ADAMTS13: variants seen among roughly 807,000 people sequenced by gnomAD.
ADAMTS13 encodes the protein ADAM metallopeptidase with thrombospondin type 1 motif 13.
Under a neutral mutation model 155.1 loss-of-function variants are expected in ADAMTS13, and 110 were observed. That is an observed-to-expected ratio of 0.71 (90% CI 0.61 to 0.83). ADAMTS13 has a LOEUF of 0.83. Among genes scored for constraint, ADAMTS13 ranks in the 40% least tolerant of loss-of-function variants. The probability of loss-of-function intolerance (pLI) is 0.00; values close to 1 mark genes in which losing one functional copy is unlikely to be tolerated. For missense variants in ADAMTS13, 1,707 were observed against 1,891.7 expected (o/e 0.90, Z 1.81); for synonymous variants, 758 against 756.4 (o/e 1.00, Z -0.03).
chr9:133,451,368 C>T (rs1171210348), intron 23 of ADAMTS13, among the ~76,000 whole-genome samples: 1 of 152,184 alleles, frequency 6.6e-6, no homozygotes, highest in Non-Finnish European at 1.5e-5. Flanking sequence ...AGCCATTCTC[C>T]TGTCTCAGCC....
intron 21 of ADAMTS13, among the ~76,000 whole-genome samples, chr9:133,448,021 C>T (rs1245269457): frequency 6.8e-6 from 1 of 146,682 alleles, no homozygotes; most frequent in Admixed American, 6.8e-5. Context: ...GATGGAGTCT[C>T]GCTCTGTCAC....
chr9:133,424,235 C>T lies in ADAMTS13; in HGVS notation c.173-86C>T. On this transcript the variant is annotated intron_variant, in intron 2 of 28. Transcript: ENST00000355699. This position sits in a 1 kb window ranked among gnomAD's most constrained non-coding sequence, Gnocchi z 4.3. ...GTCTTGACTTCGGAAGGCCATCCTT[C>T]CAAGACCTGCCAGCCCCTTTCCTGT... is the stretch of plus-strand genomic sequence containing the variant. The T allele has an allele frequency of 6.3e-7, 1 of 1,593,758 alleles. No individual in the cohort carries two copies. Among genetic ancestry groups the T allele is most frequent in the South Asian group, 1.1e-5 (1 of 90,782 alleles).
In ADAMTS13 at chr9:133,435,311, G is replaced by A. The variant is rs932693822; in HGVS notation, c.1309-1518G>A. Among the ~76,000 whole-genome samples, 14 of 150,092 alleles carry A rather than the reference G, an allele frequency of 9.3e-5. No individual in the cohort carries two copies. The South Asian group carries it at 1.9e-3, about 20-fold the overall frequency. On this transcript the variant is annotated intron_variant, in intron 11 of 28. Transcript: ENST00000355699. ...AAGCGATTCCCCTGCCTCACCTTCC[G>A]GAGTAGCTGGGATTACAGGCACGCG...
chr9:133,443,982 CAG>C (rs1371501313), intron 19 of ADAMTS13, among the ~76,000 whole-genome samples: 1 of 152,134 alleles, frequency 6.6e-6, no homozygotes, highest in African/African-American at 2.4e-5. Context: ...AGCTGAGTGA[CAG>C]GGCAAGTCCC....
chr9:133,417,864 T>C, upstream of ADAMTS13: 1 of 1,593,284 alleles, frequency 6.3e-7, no homozygotes, highest in Non-Finnish European at 8.5e-7. Flanking sequence ...GTCCAGCGCC[T>C]GGGCCGGCGG....
In ADAMTS13 at chr9:133,446,681, G is replaced by C. The variant is rs142207134; in HGVS notation, c.2731+862G>C. 5.6e-3 allele frequency among the ~76,000 whole-genome samples: 852 copies of C among 152,164 alleles called. 7 individuals carry two copies. Among genetic ancestry groups the C allele is most frequent in the Middle Eastern group, 0.034 (10 of 294 alleles). ...TGAGTTCCTGCTTTCAGTTCTTTTGGGTGTATATCTAGAAGTGTGGTAGCT... is the reference window on the plus strand; with the variant it reads ...TGAGTTCCTGCTTTCAGTTCTTTTGCGTGTATATCTAGAAGTGTGGTAGCT... On this transcript the variant is annotated intron_variant, in intron 21 of 28. Coordinates refer to ENST00000355699, the MANE Select transcript of ADAMTS13 (RefSeq NM_139027.6).
At chr9:133,431,000 C>G (rs1840724941) in intron 8 of ADAMTS13, among the ~76,000 whole-genome samples, 2 of 152,136 alleles carry the variant, frequency 1.3e-5, no homozygotes, top group South Asian at 2.1e-4. Flanking sequence ...GGGCCTCGTT[C>G]TGTTGCCCAG....
At position 133,448,707 on chromosome 9, in the gene ADAMTS13, A is replaced by G; in HGVS notation, c.2840A>G (p.Gln947Arg). 6.2e-7 allele frequency: 1 copy of G among 1,602,914 alleles called. No individual in the cohort carries two copies. Among genetic ancestry groups the G allele is most frequent in the Non-Finnish European group, 8.5e-7 (1 of 1,179,900 alleles). The change falls in exon 22 of 29, where the codon CAG (glutamine) becomes CGG (arginine). Residue 947 changes from glutamine (Q) to arginine (R), a missense_variant. Transcript: ENST00000355699. ...SKPGSRREVCQAVPCPARWQY... is the reference protein window; with the variant it reads ...SKPGSRREVCRAVPCPARWQY... ...CCTGGGAGCCGGCGGGAGGTCTGCC[A>G]GGCTGTCCCGTGCCCTGCTCGGTGA...
chr9:133,450,281 C>T (rs587711973), intron 23 of ADAMTS13, among the ~76,000 whole-genome samples: 2 of 151,550 alleles, frequency 1.3e-5, no homozygotes, highest in Admixed American at 6.6e-5. Flanking sequence ...AAAAATACAA[C>T]AATTAGGCTG....
At chr9:133,434,062 C>T (rs1267687871) in intron 11 of ADAMTS13, among the ~76,000 whole-genome samples, 1 of 151,604 alleles carries the variant, frequency 6.6e-6, no homozygotes, top group Non-Finnish European at 1.5e-5. Context: ...GGCCATTGCA[C>T]TCCAGCCTGG....
intron 21 of ADAMTS13, among the ~76,000 whole-genome samples, chr9:133,446,251 AC>A (rs1476889772): frequency 6.6e-6 from 1 of 152,206 alleles, no homozygotes; most frequent in African/African-American, 2.4e-5. Context: ...AAGCACAGTC[AC>A]ATTGTTGTGC....
chr9:133,459,182 G>T lies in ADAMTS13; in HGVS notation c.*2G>T. ...TGGAAGGGAAAGGAAGGAACCTGAG[G>T]GTCATTGAACATTTGTTCCGTGTCT... On this transcript the variant is annotated 3_prime_UTR_variant, in exon 29 of 29. Transcript: ENST00000355699. 1 of 1,606,142 alleles carries T rather than the reference G, an allele frequency of 6.2e-7. No homozygotes were observed. Among genetic ancestry groups the T allele is most frequent in the South Asian group, 1.1e-5 (1 of 89,896 alleles).
upstream of ADAMTS13, among the ~76,000 whole-genome samples, chr9:133,418,523 C>G (rs985185576): frequency 2.0e-5 from 3 of 152,324 alleles, no homozygotes; most frequent in African/African-American, 7.2e-5. Flanking sequence ...AAGGAAAGGG[C>G]TTTATTTAGT....
At chr9:133,447,786 G>A (rs1270105677) in intron 21 of ADAMTS13, among the ~76,000 whole-genome samples, 1 of 151,304 alleles carries the variant, frequency 6.6e-6, no homozygotes, top group Non-Finnish European at 1.5e-5. Flanking sequence ...TAGAGAGGGG[G>A]TTTCGCCATG....
rs970049597 is a variant in ADAMTS13, at chr9:133,429,925, G to C, written c.825-14G>C. The C allele has an allele frequency of 2.4e-5, 37 of 1,534,614 alleles. No homozygotes were observed. The highest frequency in any genetic ancestry group is 1.3e-4 in the South Asian group (11 of 84,084). ...CCCGGGACTGAGCCGGGCCTGAGCCGGGCCTTGTCGCAGCGCAGGACGGGC... is the reference window on the plus strand; with the variant it reads ...CCCGGGACTGAGCCGGGCCTGAGCCCGGCCTTGTCGCAGCGCAGGACGGGC... On this transcript the variant is annotated splice_polypyrimidine_tract_variant and intron_variant, in intron 7 of 28. Coordinates refer to ENST00000355699, the MANE Select transcript of ADAMTS13 (RefSeq NM_139027.6).
At chr9:133,447,238 G>A (rs1798537628) in intron 21 of ADAMTS13, among the ~76,000 whole-genome samples, 1 of 152,192 alleles carries the variant, frequency 6.6e-6, no homozygotes, top group Non-Finnish European at 1.5e-5. Flanking sequence ...CTGACCACTT[G>A]CTCAGTAAAA....
At chr9:133,432,974 G>A (rs1183257038) in intron 9 of ADAMTS13, among the ~76,000 whole-genome samples, 1 of 140,094 alleles carries the variant, frequency 7.1e-6, no homozygotes, top group Non-Finnish European at 1.5e-5. Context: ...GTGGATATGG[G>A]GTGTCTCGGG....
intron 12 of ADAMTS13, among the ~76,000 whole-genome samples, chr9:133,437,203 G>A (rs1007966602): frequency 2.6e-5 from 4 of 152,132 alleles, no homozygotes; most frequent in Admixed American, 1.3e-4. Context: ...TCCCTCCCTG[G>A]GCGCTACAAG....
chr9:133,442,784 G>A (rs200715620), intron 18 of ADAMTS13, 41 bp downstream of exon 18: 44 of 1,590,560 alleles, frequency 2.8e-5, no homozygotes, highest in Non-Finnish European at 1.7e-6. Flanking sequence ...GGGGGAGAGA[G>A]GGTTCCGCTG....
Sources: allele counts gnomAD v4.1 joint callset (sites outside exome capture counted in the v4.1 genomes callset), GRCh38; gene constraint gnomAD v4.1.1; non-coding constraint Gnocchi (gnomAD v3.1); transcripts MANE v1.5; gene names NCBI Gene and HGNC (gene_info 2026-07-23, HGNC 2026-07-21).